The following TTC28 variants were observed in gnomAD, a reference collection of about 807,000 sequenced individuals.
TTC28 encodes tetratricopeptide repeat protein 28.
TTC28 carries 61 observed loss-of-function variants against 198.0 expected under a neutral mutation model. The observed-to-expected ratio is 0.31, with a 90% CI of 0.25 to 0.38. The LOEUF (loss-of-function observed/expected upper bound fraction) is 0.38. TTC28 is among the 10% of genes least tolerant of loss of function. TTC28 has a pLI of 1.00. For missense variants in TTC28, 2,678 were observed against 3,164.0 expected, an observed-to-expected ratio of 0.85 and a Z score of 3.69; for synonymous variants, 1,171 against 1,297.8, an observed-to-expected ratio of 0.90 and a Z score of 2.10.
rs192141859 is a variant in TTC28 at position 28,636,093 on chromosome 22, C to T, written c.103-6263G>A. Among the ~76,000 whole-genome samples the T allele has an allele frequency of 1.5e-3, 207 of 136,068 alleles. 2 individuals are homozygous for T. The highest frequency in any genetic ancestry group is 5.1e-4 in the Non-Finnish European group (33 of 64,430). The allele number at this position is 136,068 out of a possible 152,430, so 89.3% of individuals were successfully genotyped here. On this transcript the variant is annotated intron_variant, in intron 1 of 22. Transcript: ENST00000397906. ...TGGCTCATTTCCTTTAGCATGACAT[C>T]TCTAGGTTCATCCATATTGTTGCAA...
At chr22:27,996,564 C>G (rs1569074260) in intron 16 of TTC28, 1 of 331,490 alleles carries the variant, frequency 3.0e-6, no homozygotes, top group African/African-American at 2.1e-5. Context: ...TGAAATTCAT[C>G]TTTGTCTATC....
intron 2 of TTC28, among the ~76,000 whole-genome samples, chr22:28,623,478 A>C (rs1290379821): frequency 1.3e-5 from 2 of 152,206 alleles, no homozygotes; most frequent in African/African-American, 4.8e-5. Flanking sequence ...CAATGAAGAC[A>C]AATAGAATAA....
At chr22:28,232,365 A>AT (rs1201801598) in intron 5 of TTC28, among the ~76,000 whole-genome samples, 1 of 152,244 alleles carries the variant, frequency 6.6e-6, no homozygotes, top group African/African-American at 2.4e-5. Flanking sequence ...TGCAAAAAAA[A>AT]GAGGCCTCAT....
chr22:28,350,596 A>C (rs2145929986), intron 2 of TTC28, among the ~76,000 whole-genome samples: 1 of 152,274 alleles, frequency 6.6e-6, no homozygotes, highest in African/African-American at 2.4e-5. Flanking sequence ...TAATCAGTTT[A>C]TCTTGTAACC....
chr22:28,241,556 C>T (rs900720733), intron 5 of TTC28, among the ~76,000 whole-genome samples: 8 of 151,826 alleles, frequency 5.3e-5, no homozygotes, highest in Admixed American at 1.3e-4. Flanking sequence ...TTAAGTATTT[C>T]GGGGCAAAAG....
intron 2 of TTC28, among the ~76,000 whole-genome samples, chr22:28,323,993 C>T (rs2045486532): frequency 6.6e-6 from 1 of 152,092 alleles, no homozygotes; most frequent in Non-Finnish European, 1.5e-5. Context: ...AAAATTTTTA[C>T]ACTATAATAG....
chr22:28,587,079 G>A (rs543532860), intron 2 of TTC28, among the ~76,000 whole-genome samples: 2 of 152,184 alleles, frequency 1.3e-5, no homozygotes, highest in South Asian at 2.1e-4. Context: ...AAAATTAGCC[G>A]GGTATGGTGG....
Position 28,629,830 on chromosome 22 carries a change from T to A in TTC28, c.103A>T (p.Ile35Phe). 6.5e-7 allele frequency: 1 copy of A among 1,542,994 alleles called. No homozygotes were observed. Among genetic ancestry groups the A allele is most frequent in the Middle Eastern group, 1.7e-4 (1 of 5,910 alleles). Residue 35 changes from isoleucine (I) to phenylalanine (F), a missense_variant and splice_region_variant, in exon 2 of 23, where the codon ATT becomes TTT. This residue lies in a region of TTC28 where 176 missense variants were observed against 197.9 expected (regional missense o/e 0.89). Coordinates refer to ENST00000397906, the MANE Select transcript of TTC28 (RefSeq NM_001145418.2). ...ATAGTGTCAGCACCAAAGAGAGGAA[T>A]CTACAAACAAAGAAACTTTATCAGA... ...EPESPPASAPIPLFGADTIGQ... is the reference protein window; with the variant it reads ...EPESPPASAPFPLFGADTIGQ...
At chr22:28,154,330 TTTTTCTTTTC>T (rs1259630214) in intron 6 of TTC28, among the ~76,000 whole-genome samples, 10 of 140,650 alleles carry the variant, frequency 7.1e-5, no homozygotes, top group African/African-American at 2.5e-4. Context: ...CATTTTTTTT[TTTTTCTTTTC>T]TTTTCTTTTC....
intron 6 of TTC28, among the ~76,000 whole-genome samples, chr22:28,144,907 T>C (rs12157776): frequency 6.2e-4 from 94 of 152,316 alleles, no homozygotes; most frequent in African/African-American, 2.1e-3. Context: ...AAAAAGCTTC[T>C]TAAAGGAAGG....
At chr22:28,421,433 G>T (rs549820680) in intron 2 of TTC28, among the ~76,000 whole-genome samples, 1 of 152,006 alleles carries the variant, frequency 6.6e-6, no homozygotes, top group Admixed American at 6.5e-5. Flanking sequence ...ACAAATCATT[G>T]TATCATCAAA....
intron 5 of TTC28, among the ~76,000 whole-genome samples, chr22:28,187,867 C>G (rs181171501): frequency 2.6e-5 from 4 of 152,276 alleles, no homozygotes; most frequent in African/African-American, 9.6e-5. Context: ...ACTGTGAATA[C>G]CAGCTGCGTT....
chr22:28,219,749 G>A (rs1182929704), intron 5 of TTC28, among the ~76,000 whole-genome samples: 1 of 152,130 alleles, frequency 6.6e-6, no homozygotes, highest in African/African-American at 2.4e-5. Flanking sequence ...ATAAATAACA[G>A]ATCAACCTAA....
chr22:28,671,189 C>T (rs1347996300), intron 1 of TTC28, among the ~76,000 whole-genome samples: 1 of 152,008 alleles, frequency 6.6e-6, no homozygotes, highest in Non-Finnish European at 1.5e-5. Flanking sequence ...AAGTGATCCT[C>T]CCACCTTGGC....
chr22:28,199,385 A>T (rs1388260838), intron 5 of TTC28, among the ~76,000 whole-genome samples: 2 of 4,084 alleles, frequency 4.9e-4, no homozygotes, highest in African/African-American at 7.3e-4. Flanking sequence ...ATTAAAAATT[A>T]TATATATATA....
intron 12 of TTC28, among the ~76,000 whole-genome samples, chr22:28,034,346 G>A (rs930341915): frequency 2.6e-5 from 4 of 152,254 alleles, no homozygotes; most frequent in Non-Finnish European, 4.4e-5. Context: ...CTAAGATTCC[G>A]CCTGTCTTCT....
At chr22:28,381,134 CAAA>C (rs981709849) in intron 2 of TTC28, among the ~76,000 whole-genome samples, 1 of 108,650 alleles carries the variant, frequency 9.2e-6, no homozygotes. Flanking sequence ...ATCACATTCT[CAAA>C]AAAAAAAAAA....
chr22:28,133,985 G>A (rs576692236), intron 6 of TTC28, among the ~76,000 whole-genome samples: 15 of 152,160 alleles, frequency 9.9e-5, no homozygotes, highest in Admixed American at 2.6e-4. Flanking sequence ...AACACCTCAC[G>A]CGGCCAGGTA....
At chr22:28,088,272 G>T (rs1188694257) in intron 12 of TTC28, among the ~76,000 whole-genome samples, 1 of 152,092 alleles carries the variant, frequency 6.6e-6, no homozygotes, top group African/African-American at 2.4e-5. Context: ...ATACTACAAG[G>T]CTACAGTAAC....
Sources: gnomAD v4.1 joint callset for allele counts (sites outside exome capture counted in the v4.1 genomes callset) on GRCh38, gnomAD v4.1.1 for gene constraint, gnomAD v4.1.1 regional missense constraint, MANE v1.5 for transcripts, NCBI Gene and HGNC (gene_info 2026-07-23, HGNC 2026-07-21) for gene names.